Variants in MEPE observed in about 807,000 individuals in gnomAD.
MEPE encodes the protein matrix, extracellular phosphoglycoprotein with ASARM motif (bone).
In MEPE, 7 loss-of-function variants were observed where a neutral mutation model predicts 7.3. The observed-to-expected ratio is 0.95, with a 90% CI of 0.54 to 1.79. MEPE has a LOEUF of 1.79. MEPE is among the 40% of genes most tolerant of loss of function. The probability of loss-of-function intolerance (pLI) is 0.00; values close to 1 mark genes in which losing one functional copy is unlikely to be tolerated. For missense variants in MEPE, 623 were observed against 628.2 expected (o/e 0.99, Z 0.09); for synonymous variants, 214 against 213.1 (o/e 1.00, Z -0.04).
At chr4:87,829,495 A>G (rs965885923), upstream of MEPE, among the ~76,000 whole-genome samples, 1 of 152,188 alleles carries the variant, frequency 6.6e-6, no homozygotes, top group African/African-American at 2.4e-5. Context: ...ACTAAGAAAA[A>G]TGCATTTGAG....
At chr4:87,835,110 A>C (rs1456350654) in intron 2 of MEPE, among the ~76,000 whole-genome samples, 1 of 152,220 alleles carries the variant, frequency 6.6e-6, no homozygotes, top group Non-Finnish European at 1.5e-5. Flanking sequence ...ATCTTTGACT[A>C]TTTTCCTGTA....
At position 87,846,479 on chromosome 4, in the gene MEPE, G is replaced by A; in HGVS notation, c.*33G>A. The A allele has an allele frequency of 1.3e-6, 2 of 1,586,376 alleles. No individual in the cohort carries two copies. The highest frequency in any genetic ancestry group is 1.7e-6 in the Non-Finnish European group (2 of 1,167,508). On this transcript the variant is annotated 3_prime_UTR_variant, in exon 4 of 4. Coordinates refer to ENST00000361056, the MANE Select transcript of MEPE (RefSeq NM_020203.6). Reference sequence around the variant, plus strand: ...GGAGTTCCCAGCGGGGTGACAGTCTGAAGACCTCGTCACCTGTGAGTTGAT... The same window carrying A: ...GGAGTTCCCAGCGGGGTGACAGTCTAAAGACCTCGTCACCTGTGAGTTGAT...
chr4:87,826,164 C>T (rs942392897), intron 1 of MEPE, among the ~76,000 whole-genome samples: 1 of 151,730 alleles, frequency 6.6e-6, no homozygotes, highest in Non-Finnish European at 1.5e-5. Context: ...GTGAATAGTG[C>T]TGCAATAAAC....
In MEPE at chr4:87,822,333, T is replaced by C. The variant is rs553202481; in HGVS notation, c.-13+862T>C. Among the ~76,000 whole-genome samples, 74 of 152,278 alleles carry C rather than the reference T, an allele frequency of 4.9e-4. No homozygotes were observed. In the South Asian group the frequency reaches 0.015, roughly 31 times the overall value. ...TAACTTGGATAATTGGGGTGGGTTTTGTAATCTCCACTTCTACCCAAGTGC... is the reference window on the plus strand; with the variant it reads ...TAACTTGGATAATTGGGGTGGGTTTCGTAATCTCCACTTCTACCCAAGTGC... On this transcript the variant is annotated intron_variant, in intron 1 of 3. Transcript: ENST00000424957.
At chr4:87,837,316 G>A (rs966904156) in intron 2 of MEPE, among the ~76,000 whole-genome samples, 1 of 152,106 alleles carries the variant, frequency 6.6e-6, no homozygotes, top group Non-Finnish European at 1.5e-5. Context: ...AACACGGAGA[G>A]TAGAGAAGGA....
At chr4:87,834,276 T>C (rs370110993) in intron 1 of MEPE, among the ~76,000 whole-genome samples, 78 of 152,318 alleles carry the variant, frequency 5.1e-4, no homozygotes, top group African/African-American at 1.7e-3. Context: ...CAGATAAGCT[T>C]TCCTCACAGT....
At chr4:87,836,598 A>G (rs1251663932) in intron 2 of MEPE, among the ~76,000 whole-genome samples, 1 of 152,216 alleles carries the variant, frequency 6.6e-6, no homozygotes, top group East Asian at 1.9e-4. Context: ...TTATATTCAC[A>G]TGATCATATA....
At chr4:87,838,159 G>A (rs1722870697) in intron 2 of MEPE, among the ~76,000 whole-genome samples, 1 of 152,138 alleles carries the variant, frequency 6.6e-6, no homozygotes, top group Non-Finnish European at 1.5e-5. Context: ...GCCATCAGCA[G>A]CATCATATCT....
intron 2 of MEPE, among the ~76,000 whole-genome samples, chr4:87,838,229 T>C (rs1722874474): frequency 6.6e-6 from 1 of 152,176 alleles, no homozygotes; most frequent in African/African-American, 2.4e-5. Context: ...ATTTAAATCG[T>C]CAAACTCTGA....
chr4:87,839,178 C>A (rs1578059410), intron 3 of MEPE, among the ~76,000 whole-genome samples: 1 of 152,192 alleles, frequency 6.6e-6, no homozygotes, highest in East Asian at 1.9e-4. Flanking sequence ...CAAATTGCAG[C>A]TTGCTTCTGC....
At chr4:87,839,174 G>T (rs567096203) in intron 3 of MEPE, among the ~76,000 whole-genome samples, 10 of 152,290 alleles carry the variant, frequency 6.6e-5, no homozygotes, top group African/African-American at 2.2e-4. Context: ...CCACCAAATT[G>T]CAGCTTGCTT....
chr4:87,845,998 C>T lies in MEPE; in HGVS notation c.1130C>T (p.Ala377Val), dbSNP rs1298762366. 41 of 1,613,828 alleles carry T rather than the reference C, an allele frequency of 2.5e-5. No individual in the cohort carries two copies. Among genetic ancestry groups the T allele is most frequent in the Non-Finnish European group, 3.5e-5 (41 of 1,179,960 alleles). Residue 377 changes from alanine to valine, a missense_variant, in exon 4 of 4, where the codon GCA becomes GTA. Coordinates refer to ENST00000361056, the MANE Select transcript of MEPE (RefSeq NM_020203.6). ...AAGGTTGAGTTTCATTACCCTCCTG[C>T]ACCCTCAAAAGAGAAAAGAAAAGAA... ...QGKVEFHYPP[A>V]PSKEKRKEGS...
chr4:87,838,436 C>T (rs950360532), intron 2 of MEPE, among the ~76,000 whole-genome samples, 196 bp from the exon 3 acceptor site: 1 of 152,170 alleles, frequency 6.6e-6, no homozygotes, highest in Non-Finnish European at 1.5e-5. Context: ...GGGCAGAAAG[C>T]TGGCACTGTC....
chr4:87,839,725 T>G (rs1406137734), intron 3 of MEPE: 3 of 1,550,256 alleles, frequency 1.9e-6, no homozygotes, highest in South Asian at 1.2e-5. Context: ...GGGCATTATG[T>G]TTTTAAGTGT....
chr4:87,825,660 A>G (rs1459880654), intron 1 of MEPE, among the ~76,000 whole-genome samples: 1 of 152,250 alleles, frequency 6.6e-6, no homozygotes, highest in Admixed American at 6.5e-5. Flanking sequence ...TTCTTAGACC[A>G]ACAAATCCAG....
In MEPE at chr4:87,844,667, G is replaced by T. The variant is rs375515239; in HGVS notation, c.109-310G>T. 2.6e-5 allele frequency among the ~76,000 whole-genome samples: 4 copies of T among 152,152 alleles called. No homozygotes were observed. The East Asian group carries it at 5.8e-4, about 22-fold the overall frequency. On this transcript the variant is annotated intron_variant, in intron 3 of 3. Transcript: ENST00000361056. ...ATGACTCACTATTCCCACTATGTAG[G>T]TTTATTCATATTATGTCTCAATTGT...
rs758921551 is a variant in MEPE, at chr4:87,845,116, G to A, written c.248G>A (p.Ser83Asn). ...SLSEASENKG[S>N]SKSQNYFTNR... is the part of the protein sequence containing the mutation. Reference sequence around the variant, plus strand: ...TCTGAAGCCAGTGAGAATAAGGGAAGTAGTAAATCTCAAAATTATTTCACA... The same window carrying A: ...TCTGAAGCCAGTGAGAATAAGGGAAATAGTAAATCTCAAAATTATTTCACA... Residue 83 changes from serine (S) to asparagine (N), a missense_variant, in exon 4 of 4, where the codon AGT (serine) becomes AAT (asparagine). Coordinates refer to ENST00000361056, the MANE Select transcript of MEPE (RefSeq NM_020203.6). 3.0e-5 allele frequency: 49 copies of A among 1,613,726 alleles called. No individual in the cohort carries two copies. The highest frequency in any genetic ancestry group is 4.0e-5 in the Non-Finnish European group (47 of 1,179,838).
Position 87,825,558 on chromosome 4 carries a change from G to A in MEPE, c.-13+4087G>A, listed in dbSNP as rs77075981. ...CCCGCTTCAATCTGACAGTTTTGAC[G>A]AACAAGTGGAGAGTAACTGTGCAAC... is the stretch of plus-strand genomic sequence containing the variant. On this transcript the variant is annotated intron_variant, in intron 1 of 3. Transcript: ENST00000424957. Among the ~76,000 whole-genome samples, 1,178 of 152,278 alleles carry A rather than the reference G, an allele frequency of 7.7e-3. 21 individuals are homozygous for A. Among genetic ancestry groups the A allele is most frequent in the African/African-American group, 0.027 (1,116 of 41,544 alleles).
chr4:87,845,569 G>T lies in MEPE; in HGVS notation c.701G>T (p.Ser234Ile), dbSNP rs1723199623. ...CTCTCAAAAGTCAAAAAAATCCCCA[G>T]TGATTTTGAAGGCAGCGGTTATACA... ...KHLSKVKKIP[S>I]DFEGSGYTDL... Residue 234 changes from serine (S) to isoleucine (I), a missense_variant, in exon 4 of 4, where the codon AGT (serine) becomes ATT (isoleucine). Transcript: ENST00000361056. 6.2e-7 allele frequency: 1 copy of T among 1,612,074 alleles called. No individual in the cohort carries two copies. The highest frequency in any genetic ancestry group is 1.7e-5 in the Admixed American group (1 of 59,534).
Sources: allele counts gnomAD v4.1 joint callset (sites outside exome capture counted in the v4.1 genomes callset), GRCh38; gene constraint gnomAD v4.1.1; transcripts MANE v1.5; gene names NCBI Gene and HGNC (gene_info 2026-07-23, HGNC 2026-07-21).